Variants in BUB1B observed in about 807,000 individuals in gnomAD.
BUB1B encodes BUB1 mitotic checkpoint serine/threonine kinase B, also known as mitotic checkpoint serine/threonine-protein kinase BUB1 beta.
A neutral mutation model predicts 137.7 loss-of-function variants in BUB1B; 86 were observed. That is an observed-to-expected ratio of 0.62 (90% CI 0.52 to 0.75). The LOEUF is 0.75. Among genes scored for constraint, BUB1B ranks in the 30% least tolerant of loss-of-function variants. The probability of loss-of-function intolerance (pLI) is 0.00; values close to 1 mark genes in which losing one functional copy is unlikely to be tolerated. For missense variants in BUB1B, 1,130 were observed against 1,236.9 expected, an observed-to-expected ratio of 0.91 and a Z score of 1.30; for synonymous variants, 420 against 417.9, an observed-to-expected ratio of 1.00 and a Z score of -0.06.
chr15:40,204,075 T>A lies in BUB1B; in HGVS notation c.1734+1381T>A, dbSNP rs79286733. Among the ~76,000 whole-genome samples, 104 of 152,336 alleles carry A rather than the reference T, an allele frequency of 6.8e-4. 1 individual carries two copies. In the East Asian group the frequency reaches 0.019, roughly 28 times the overall value. On this transcript the variant is annotated intron_variant, in intron 14 of 22. Transcript: ENST00000287598. ...CACAAATATTGTACAGCTAGATGAATTTTTCCATGCAATTTTTTCCCATAT... is the reference window on the plus strand; with the variant it reads ...CACAAATATTGTACAGCTAGATGAAATTTTCCATGCAATTTTTTCCCATAT...
chr15:40,174,944 A>G (rs1163671576), intron 4 of BUB1B, among the ~76,000 whole-genome samples: 3 of 152,212 alleles, frequency 2.0e-5, no homozygotes, highest in Non-Finnish European at 4.4e-5. Flanking sequence ...AGCCTGGGCG[A>G]CAGAGTGAGA....
intron 8 of BUB1B, among the ~76,000 whole-genome samples, chr15:40,190,962 A>G (rs1222023609): frequency 4.7e-5 from 7 of 149,686 alleles, no homozygotes; most frequent in Non-Finnish European, 1.0e-4. Flanking sequence ...ATCGTGGCTC[A>G]CTGCAACCTC....
intron 22 of BUB1B, among the ~76,000 whole-genome samples, chr15:40,218,877 CTA>C (rs1280627362): frequency 1.3e-5 from 2 of 152,206 alleles, no homozygotes; most frequent in Non-Finnish European, 2.9e-5. Flanking sequence ...GAATAATTTT[CTA>C]ACTAATTGGT....
In BUB1B at chr15:40,216,564, TATATA is replaced by T. The variant is rs1165010243; in HGVS notation, c.2679-931_2679-927del. On this transcript the variant is annotated intron_variant, in intron 20 of 22. Coordinates refer to ENST00000287598, the MANE Select transcript of BUB1B (RefSeq NM_001211.6). ...TATATATACTATATATATATATATA[TATATA>T]TATTTTTTTTTTTTTTTAATTATAG... Among the ~76,000 whole-genome samples the T allele has an allele frequency of 9.2e-4, 73 of 79,106 alleles. No individual in the cohort carries two copies. In the East Asian group the frequency reaches 0.014, roughly 15 times the overall value. The allele number at this position is 79,106 out of a possible 152,430, so 51.9% of individuals were successfully genotyped here. A position where few individuals can be genotyped will look rare whatever the true frequency, so the allele number is the denominator to read the frequency against.
At chr15:40,193,439 C>T (rs2037460327) in intron 8 of BUB1B, among the ~76,000 whole-genome samples, 5 of 112,622 alleles carry the variant, frequency 4.4e-5, no homozygotes, top group South Asian at 2.7e-4. Flanking sequence ...TTACTATCAT[C>T]TTTTTTTTTT....
intron 4 of BUB1B, among the ~76,000 whole-genome samples, chr15:40,171,878 A>G (rs1384860194): frequency 2.0e-5 from 3 of 152,170 alleles, no homozygotes; most frequent in Non-Finnish European, 2.9e-5. Flanking sequence ...TATTAAAAAA[A>G]TGACCACCGT....
intron 19 of BUB1B, 131 bp from the exon 20 acceptor site, chr15:40,213,201 C>T: frequency 1.7e-5 from 15 of 882,914 alleles, no homozygotes; most frequent in Non-Finnish European, 2.7e-5. Context: ...GACATAGACT[C>T]AGTCTACAGA....
intron 1 of BUB1B, among the ~76,000 whole-genome samples, chr15:40,162,275 G>A (rs1053115147): frequency 6.6e-6 from 1 of 152,010 alleles, no homozygotes; most frequent in South Asian, 2.1e-4. Flanking sequence ...CATTGTCACT[G>A]GAGCAGAATT....
chr15:40,164,212 C>T (rs993932960), intron 1 of BUB1B, among the ~76,000 whole-genome samples: 1 of 152,102 alleles, frequency 6.6e-6, no homozygotes, highest in African/African-American at 2.4e-5. Flanking sequence ...ACATTAGTCT[C>T]ACCCACACTT....
chr15:40,193,220 T>C (rs2037457890), intron 8 of BUB1B, among the ~76,000 whole-genome samples: 1 of 152,140 alleles, frequency 6.6e-6, no homozygotes, highest in Non-Finnish European at 1.5e-5. Context: ...TTTAGCCTTG[T>C]AGGAAAGTGC....
chr15:40,217,450 T>A, intron 20 of BUB1B, 46 bp from the exon 21 acceptor site: 2 of 1,598,110 alleles, frequency 1.3e-6, no homozygotes, highest in South Asian at 2.2e-5. Context: ...TGCAGCTTCT[T>A]TCATGGCCTA....
intron 22 of BUB1B, among the ~76,000 whole-genome samples, chr15:40,219,707 G>A (rs1279961098): frequency 7.2e-5 from 9 of 124,186 alleles, no homozygotes; most frequent in Non-Finnish European, 1.0e-4. Context: ...GCAACAGAGT[G>A]AGACTCCGTC....
rs992732676 is a variant in BUB1B, at chr15:40,212,758, A to G, written c.2535+110A>G. The stretch of plus-strand genomic sequence containing the variant: ...CTGTCAATCTTCTAGAAATAGACCA[A>G]TTCAAGTATAAGTTAGAAGCATTGA... On this transcript the variant is annotated intron_variant, in intron 19 of 22. Coordinates refer to ENST00000287598, the MANE Select transcript of BUB1B (RefSeq NM_001211.6). 3.1e-6 allele frequency: 3 copies of G among 978,396 alleles called. No individual in the cohort carries two copies. The East Asian group carries it at 7.5e-5, about 24-fold the overall frequency. 60.6% of individuals were successfully genotyped at this position (978,396 alleles called of 1,614,324 possible). A position where few individuals can be genotyped will look rare whatever the true frequency, so the allele number is the denominator to read the frequency against.
intron 6 of BUB1B, 42 bp downstream of exon 6, chr15:40,183,925 A>G: frequency 1.9e-6 from 3 of 1,597,114 alleles, no homozygotes; most frequent in Non-Finnish European, 2.6e-6. Flanking sequence ...GTTAGTTTCT[A>G]GTGGTAAAAT....
chr15:40,188,710 G>A (rs1190878904), intron 8 of BUB1B, among the ~76,000 whole-genome samples: 1 of 150,372 alleles, frequency 6.7e-6, no homozygotes, highest in East Asian at 2.0e-4. Flanking sequence ...AGCCACCCGA[G>A]TAGCTGGCAT....
intron 22 of BUB1B, among the ~76,000 whole-genome samples, chr15:40,218,931 A>T (rs1169402959): frequency 2.0e-5 from 3 of 152,170 alleles, no homozygotes; most frequent in Non-Finnish European, 4.4e-5. Context: ...TTATTTTTTG[A>T]GACGGAGTCT....
rs545552270 is a variant in BUB1B at position 40,174,277 on chromosome 15, C to A, written c.385-2200C>A. Among the ~76,000 whole-genome samples, 91 of 152,234 alleles carry A rather than the reference C, an allele frequency of 6.0e-4. 1 individual carries two copies. The highest frequency in any genetic ancestry group is 9.4e-4 in the Non-Finnish European group (64 of 68,022). On this transcript the variant is annotated intron_variant, in intron 4 of 22. Transcript: ENST00000287598. ...CAGAGTTATAACTTTTCTTGAAACA[C>A]CACCACATATGAGAAAACATCACTA...
chr15:40,208,631 T>C lies in BUB1B; in HGVS notation c.2010-6T>C, dbSNP rs2140905512. ...ATAAGAATTAACTTATTTTTGATTC[T>C]TTTAGCCCAATTATTGAAGACAGTC... On this transcript the variant is annotated splice_polypyrimidine_tract_variant and splice_region_variant and intron_variant, in intron 15 of 22. Coordinates refer to ENST00000287598, the MANE Select transcript of BUB1B (RefSeq NM_001211.6). The C allele has an allele frequency of 6.2e-7, 1 of 1,611,814 alleles. No individual in the cohort carries two copies. The highest frequency in any genetic ancestry group is 1.3e-5 in the African/African-American group (1 of 75,000).
chr15:40,212,998 G>A (rs1280894910), intron 19 of BUB1B, among the ~76,000 whole-genome samples: 1 of 152,100 alleles, frequency 6.6e-6, no homozygotes, highest in African/African-American at 2.4e-5. Flanking sequence ...TTACTCTTCG[G>A]TTTGTTCTTA....
Sources: allele counts gnomAD v4.1 joint callset (sites outside exome capture counted in the v4.1 genomes callset), GRCh38; gene constraint gnomAD v4.1.1; transcripts MANE v1.5; gene names NCBI Gene and HGNC (gene_info 2026-07-23, HGNC 2026-07-21).